TENM3: variants seen among roughly 807,000 people sequenced by gnomAD.
The protein encoded by TENM3 is teneurin-3.
Under a neutral mutation model 255.1 loss-of-function variants are expected in TENM3, and 63 were observed. The ratio of observed to expected loss-of-function variants is 0.25; its 90% CI spans 0.20 to 0.30. The LOEUF is 0.30. Among genes scored for constraint, TENM3 ranks in the 10% least tolerant of loss-of-function variants. TENM3 has a pLI of 1.00. For missense variants in TENM3, 2,929 were observed against 3,461.1 expected (o/e 0.85, Z 3.86); for synonymous variants, 1,306 against 1,322.3 (o/e 0.99, Z 0.27).
chr4:182,436,426 G>C (rs1417728715), intron 3 of TENM3, among the ~76,000 whole-genome samples: 2 of 152,146 alleles, frequency 1.3e-5, no homozygotes, highest in Admixed American at 6.5e-5. Context: ...GTTCCTTTTA[G>C]GTTGCAGCAT....
chr4:182,104,054 G>T, the TENM3 span, among the ~76,000 whole-genome samples: 27,870 of 152,110 alleles, frequency 0.18, 2,663 homozygotes, highest in Non-Finnish European at 0.21. Flanking sequence ...TTGCACCAGC[G>T]AAGTGCTGGT....
At chr4:182,303,443 C>T (rs73869920) in intron 1 of TENM3, among the ~76,000 whole-genome samples, 3,452 of 152,252 alleles carry the variant, frequency 0.023, 70 homozygotes, top group Admixed American at 0.066. Flanking sequence ...GGTGGATGAG[C>T]ATCTTTGCTT....
chr4:181,690,044 T>C, the TENM3 span, among the ~76,000 whole-genome samples: 3 of 152,142 alleles, frequency 2.0e-5, no homozygotes, highest in African/African-American at 4.8e-5. Context: ...AACGTGTCAA[T>C]CTCAGATAAA....
the TENM3 span, among the ~76,000 whole-genome samples, chr4:181,830,455 T>A: frequency 2.6e-4 from 39 of 152,122 alleles, no homozygotes; most frequent in East Asian, 7.0e-3. Context: ...GTATTTTTAG[T>A]AGAGATGGGG....
intron 6 of TENM3, among the ~76,000 whole-genome samples, chr4:182,669,286 G>T (rs1241335182): frequency 6.6e-6 from 1 of 151,556 alleles, no homozygotes; most frequent in Non-Finnish European, 1.5e-5. Flanking sequence ...TTTTGTTTTT[G>T]TGAGATGGAG....
the TENM3 span, among the ~76,000 whole-genome samples, chr4:182,081,989 G>A: frequency 6.6e-6 from 1 of 152,214 alleles, no homozygotes; most frequent in African/African-American, 2.4e-5. Context: ...AAGAGAGTTT[G>A]GGGTAGATAT....
At chr4:182,697,152 T>C (rs779983675) in intron 12 of TENM3, among the ~76,000 whole-genome samples, 2 of 152,174 alleles carry the variant, frequency 1.3e-5, no homozygotes, top group Non-Finnish European at 2.9e-5. Context: ...TGGACTGAAA[T>C]TCATAACAAA....
the TENM3 span, among the ~76,000 whole-genome samples, chr4:181,456,118 T>C: frequency 8.6e-6 from 1 of 116,046 alleles, no homozygotes; most frequent in Non-Finnish European, 1.8e-5. Flanking sequence ...TGTGTGTATA[T>C]ATATATATAT....
At chr4:182,608,148 A>G (rs538076862) in intron 4 of TENM3, among the ~76,000 whole-genome samples, 1 of 152,312 alleles carries the variant, frequency 6.6e-6, no homozygotes, top group African/African-American at 2.4e-5. Flanking sequence ...ATTTGTACAT[A>G]AGTATGCATA....
chr4:181,842,058 A>G, the TENM3 span, among the ~76,000 whole-genome samples: 771 of 99,016 alleles, frequency 7.8e-3, 5 homozygotes, highest in African/African-American at 0.02. Flanking sequence ...TCTGAGTTGA[A>G]GACTGATTAT....
intron 3 of TENM3, among the ~76,000 whole-genome samples, chr4:182,417,717 C>T (rs1177934050): frequency 6.6e-6 from 1 of 152,020 alleles, no homozygotes; most frequent in African/African-American, 2.4e-5. Context: ...ACTTTTTATT[C>T]CTAAATGATA....
the TENM3 span, among the ~76,000 whole-genome samples, chr4:181,506,026 T>A: frequency 6.6e-6 from 1 of 152,194 alleles, no homozygotes; most frequent in Non-Finnish European, 1.5e-5. Context: ...AAAAAACGTT[T>A]TACTTTTTAG....
the TENM3 span, among the ~76,000 whole-genome samples, chr4:181,984,248 A>G: frequency 2.6e-5 from 4 of 152,100 alleles, no homozygotes; most frequent in Non-Finnish European, 5.9e-5. Flanking sequence ...CATTGCTAAC[A>G]TGTTGTATTT....
At chr4:181,916,238 G>C in the TENM3 span, among the ~76,000 whole-genome samples, 1 of 152,138 alleles carries the variant, frequency 6.6e-6, no homozygotes, top group Non-Finnish European at 1.5e-5. Flanking sequence ...GGCTAGATTA[G>C]TGCCTCTAGT....
At chr4:182,033,313 T>C in the TENM3 span, among the ~76,000 whole-genome samples, 1 of 152,204 alleles carries the variant, frequency 6.6e-6, no homozygotes, top group Non-Finnish European at 1.5e-5. Flanking sequence ...CAGGAGCCAT[T>C]CAGGAGCAAG....
At chr4:182,624,293 C>T (rs1262894577) in intron 4 of TENM3, among the ~76,000 whole-genome samples, 2 of 152,208 alleles carry the variant, frequency 1.3e-5, no homozygotes, top group Admixed American at 6.5e-5. Context: ...TTCCACTTTC[C>T]CCCAGAGGGT....
chr4:181,468,255 C>A, the TENM3 span, among the ~76,000 whole-genome samples: 1 of 152,084 alleles, frequency 6.6e-6, no homozygotes, highest in Non-Finnish European at 1.5e-5. Context: ...GCCTGGGCCA[C>A]AGAGTGAGGC....
intron 2 of TENM3, among the ~76,000 whole-genome samples, chr4:182,335,519 A>AAAAAAAAC (rs1764075571): frequency 6.9e-6 from 1 of 144,790 alleles, no homozygotes; most frequent in African/African-American, 2.5e-5. Flanking sequence ...AAAAAAAAAA[A>AAAAAAAAC]GACGAAGCAT....
At chr4:181,860,385 C>T in the TENM3 span, among the ~76,000 whole-genome samples, 1 of 152,074 alleles carries the variant, frequency 6.6e-6, no homozygotes. Context: ...AATGATAAGC[C>T]GAGCACTTTG....
Sources: gnomAD v4.1 joint callset for allele counts (sites outside exome capture counted in the v4.1 genomes callset) on GRCh38, gnomAD v4.1.1 for gene constraint, MANE v1.5 for transcripts, NCBI Gene and HGNC (gene_info 2026-07-23, HGNC 2026-07-21) for gene names.